NCOA7: variants seen among roughly 807,000 people sequenced by gnomAD.
NCOA7 encodes the protein nuclear receptor coactivator 7.
NCOA7 carries 45 observed loss-of-function variants against 104.3 expected under a neutral mutation model. The ratio of observed to expected loss-of-function variants is 0.43; its 90% CI spans 0.34 to 0.55. NCOA7 has a LOEUF of 0.55. Among genes scored for constraint, NCOA7 ranks in the 20% least tolerant of loss-of-function variants. The probability of loss-of-function intolerance (pLI) is 0.02; values close to 1 mark genes in which losing one functional copy is unlikely to be tolerated. For synonymous variants in NCOA7, 398 were observed against 402.3 expected (o/e 0.99, Z 0.13); for missense variants, 1,041 against 1,119.7 (o/e 0.93, Z 1.00).
intron 2 of NCOA7, among the ~76,000 whole-genome samples, chr6:125,840,867 G>GTTTTTTTTTTTTTTTTTTTTT (rs1305583308): frequency 2.0e-5 from 1 of 50,658 alleles, no homozygotes; most frequent in Admixed American, 2.7e-4. Context: ...TTGTTTGGTT[G>GTTTTTTTTTTTTTTTTTTTTT]GTTTTTTTTT....
At chr6:125,902,112 G>A (rs939174002) in intron 10 of NCOA7, among the ~76,000 whole-genome samples, 1 of 152,028 alleles carries the variant, frequency 6.6e-6, no homozygotes, top group African/African-American at 2.4e-5. Context: ...GTAACATTTG[G>A]GGGGAAAAAC....
rs550453936 is a variant in NCOA7 at position 125,900,373 on chromosome 6, A to G, written c.2096+9563A>G. Among the ~76,000 whole-genome samples, 79 of 152,350 alleles carry G rather than the reference A, an allele frequency of 5.2e-4. 1 individual carries two copies. The South Asian group carries it at 8.9e-3, about 17-fold the overall frequency. On this transcript the variant is annotated intron_variant, in intron 10 of 15. Coordinates refer to ENST00000392477, the MANE Select transcript of NCOA7 (RefSeq NM_181782.5). ...CCTGAGGCCTCTGGCATTGATATTA[A>G]TATAAACTTTTACGTTTTTATTCAT... is the stretch of plus-strand genomic sequence containing the variant.
chr6:125,845,911 A>G (rs1396924700), intron 2 of NCOA7, among the ~76,000 whole-genome samples: 1 of 152,204 alleles, frequency 6.6e-6, no homozygotes, highest in Non-Finnish European at 1.5e-5. Context: ...TTTTTCCACA[A>G]AAATGGAGTC....
At chr6:125,870,892 A>G (rs563652975) in intron 3 of NCOA7, among the ~76,000 whole-genome samples, 43 of 152,240 alleles carry the variant, frequency 2.8e-4, no homozygotes, top group Non-Finnish European at 5.3e-4. Flanking sequence ...CTTCCTCCCC[A>G]TTCCAGCTCT....
intron 10 of NCOA7, among the ~76,000 whole-genome samples, chr6:125,891,048 C>G (rs575140381): frequency 2.8e-4 from 42 of 152,180 alleles, no homozygotes; most frequent in Middle Eastern, 6.8e-3. Flanking sequence ...AACTTTCTAC[C>G]TAGTTGATTT....
intron 15 of NCOA7, 21 bp downstream of exon 15, chr6:125,928,268 G>A (rs1359242866): frequency 3.8e-6 from 6 of 1,592,608 alleles, no homozygotes; most frequent in Non-Finnish European, 3.4e-6. Flanking sequence ...TTTTGTTTTT[G>A]TTTTCTTATT....
At chr6:125,791,198 T>C (rs1002494223) in intron 1 of NCOA7, 131 bp downstream of exon 1, 1 of 152,182 alleles carries the variant, frequency 6.6e-6, no homozygotes, top group East Asian at 1.9e-4. Context: ...CTCGGAGGTG[T>C]GCTAATGGCG....
chr6:125,882,364 T>G, intron 6 of NCOA7, 62 bp from the exon 7 acceptor site: 1 of 1,556,686 alleles, frequency 6.4e-7, no homozygotes, highest in Non-Finnish European at 8.8e-7. Flanking sequence ...GGGCTTGATT[T>G]ATACACATAA....
chr6:125,786,384 TC>T (rs1370431028), upstream of NCOA7, among the ~76,000 whole-genome samples: 2 of 152,158 alleles, frequency 1.3e-5, no homozygotes, highest in Non-Finnish European at 2.9e-5. Flanking sequence ...TTTCAATAGC[TC>T]CAAGGTCATT....
chr6:125,911,170 G>A (rs1038621408), intron 10 of NCOA7, among the ~76,000 whole-genome samples: 3 of 152,214 alleles, frequency 2.0e-5, no homozygotes, highest in African/African-American at 4.8e-5. Flanking sequence ...AGCACATTGC[G>A]TTAAGCACAT....
At chr6:125,797,630 G>C (rs1286383530) in intron 1 of NCOA7, among the ~76,000 whole-genome samples, 1 of 152,202 alleles carries the variant, frequency 6.6e-6, no homozygotes, top group East Asian at 1.9e-4. Flanking sequence ...TGAAGTGAGA[G>C]TGCTCTGAGT....
chr6:125,889,971 A>T lies in NCOA7; in HGVS notation c.1917A>T (p.Val639=). 6.5e-7 allele frequency: 1 copy of T among 1,527,300 alleles called. No homozygotes were observed. The highest frequency in any genetic ancestry group is 8.8e-7 in the Non-Finnish European group (1 of 1,141,976). The allele number at this position is 1,527,300 out of a possible 1,614,324, so 94.6% of individuals were successfully genotyped here. ...VQLWLLKRIQ[V]PIEDILPSKE... Reference sequence around the variant, plus strand: ...TGTGGCTGTTAAAGAGAATTCAGGTACCCATTGAAGGTAAGCTGTTTTTCT... The same window carrying T: ...TGTGGCTGTTAAAGAGAATTCAGGTTCCCATTGAAGGTAAGCTGTTTTTCT... Residue 639 remains valine (V), a synonymous_variant, in exon 9 of 16, where the codon GTA becomes GTT. Transcript: ENST00000392477.
intron 10 of NCOA7, among the ~76,000 whole-genome samples, chr6:125,914,420 T>C (rs2128688750): frequency 6.6e-6 from 1 of 152,314 alleles, no homozygotes; most frequent in African/African-American, 2.4e-5. Flanking sequence ...ACCTTAAAAA[T>C]GGTTTGATCT....
intron 2 of NCOA7, among the ~76,000 whole-genome samples, chr6:125,825,854 T>G (rs1778611732): frequency 6.6e-6 from 1 of 152,184 alleles, no homozygotes; most frequent in Non-Finnish European, 1.5e-5. Context: ...TAAGTTTATA[T>G]AAACGATATT....
chr6:125,869,017 T>A (rs543876043), intron 3 of NCOA7, among the ~76,000 whole-genome samples: 1 of 152,244 alleles, frequency 6.6e-6, no homozygotes, highest in Non-Finnish European at 1.5e-5. Context: ...CAAACTTCTG[T>A]TTGTGCTTGT....
rs182966419 is a variant in NCOA7, at chr6:125,866,972, A to G, written c.272-7917A>G. 1.7e-3 allele frequency among the ~76,000 whole-genome samples: 252 copies of G among 152,350 alleles called. 2 individuals carry two copies. Among genetic ancestry groups the G allele is most frequent in the Admixed American group, 2.4e-3 (36 of 15,306 alleles). The stretch of plus-strand genomic sequence containing the variant: ...TTTTTTATTTAAATTGCATTTAAAC[A>G]TTAATTTGAAAAAAGTGAAATATTT... On this transcript the variant is annotated intron_variant, in intron 3 of 15. Transcript: ENST00000392477.
At chr6:125,798,692 C>T (rs950623892) in intron 1 of NCOA7, among the ~76,000 whole-genome samples, 10 of 152,046 alleles carry the variant, frequency 6.6e-5, no homozygotes, top group African/African-American at 2.4e-4. Context: ...GCATAGAAAA[C>T]AGGAAAGTGA....
Position 125,885,185 on chromosome 6 carries a change from G to T in NCOA7, c.726G>T (p.Val242=). ...GTGTGGTTGGCGGTGTTATGATAGTGACTCCTAACAACATCATGTTTGACC... is the reference window on the plus strand; with the variant it reads ...GTGTGGTTGGCGGTGTTATGATAGTTACTCCTAACAACATCATGTTTGACC... The part of the protein sequence containing the change: ...GKGVVGGVMI[V]TPNNIMFDPH... The change falls in exon 8 of 16, where the codon GTG becomes GTT. Residue 242 remains valine (V), a synonymous_variant. Transcript: ENST00000392477. The T allele has an allele frequency of 6.8e-6, 11 of 1,613,966 alleles. No homozygotes were observed. Among genetic ancestry groups the T allele is most frequent in the Non-Finnish European group, 9.3e-6 (11 of 1,179,912 alleles).
chr6:125,913,278 G>A (rs778608808), intron 10 of NCOA7, among the ~76,000 whole-genome samples: 7 of 151,950 alleles, frequency 4.6e-5, no homozygotes, highest in Non-Finnish European at 7.4e-5. Context: ...AGTGGGTATT[G>A]CAGTATCAAG....
Sources: gnomAD v4.1 joint callset for allele counts (sites outside exome capture counted in the v4.1 genomes callset) on GRCh38, gnomAD v4.1.1 for gene constraint, MANE v1.5 for transcripts, NCBI Gene and HGNC (gene_info 2026-07-23, HGNC 2026-07-21) for gene names.